Variants in RPS6KA2 observed in about 807,000 individuals in gnomAD.
RPS6KA2 encodes the protein ribosomal protein S6 kinase A2, also known as ribosomal protein S6 kinase alpha-2.
Under a neutral mutation model 91.8 loss-of-function variants are expected in RPS6KA2, and 42 were observed. That is an observed-to-expected ratio of 0.46 (90% CI 0.36 to 0.59). The LOEUF (loss-of-function observed/expected upper bound fraction) is 0.59. Among genes scored for constraint, RPS6KA2 ranks in the 20% least tolerant of loss-of-function variants. RPS6KA2 has a pLI of 0.00. For missense variants in RPS6KA2, 798 were observed against 978.5 expected (o/e 0.82, Z 2.46); for synonymous variants, 414 against 393.6 (o/e 1.05, Z -0.61).
chr6:166,768,576 G>A (rs960589175), intron 2 of RPS6KA2, among the ~76,000 whole-genome samples: 1 of 152,098 alleles, frequency 6.6e-6, no homozygotes, highest in East Asian at 1.9e-4. Flanking sequence ...ATCAACTTTT[G>A]TAGAGTCTTT....
chr6:166,752,011 G>T (rs1330607036), intron 2 of RPS6KA2, among the ~76,000 whole-genome samples: 1 of 152,212 alleles, frequency 6.6e-6, no homozygotes, highest in Non-Finnish European at 1.5e-5. Context: ...AGACAAAGGG[G>T]CCAGCACAGG....
At chr6:166,625,535 A>C (rs2128542846) in intron 1 of RPS6KA2, among the ~76,000 whole-genome samples, 1 of 152,254 alleles carries the variant, frequency 6.6e-6, no homozygotes, top group Admixed American at 6.5e-5. Flanking sequence ...TTCTTGGCAA[A>C]GACAGTAAAT....
chr6:166,812,808 C>G (rs577216058), intron 2 of RPS6KA2, among the ~76,000 whole-genome samples: 1 of 152,310 alleles, frequency 6.6e-6, no homozygotes, highest in African/African-American at 2.4e-5. Context: ...CTTTGAGATT[C>G]ACAGCCACAT....
rs952297931 is a variant in RPS6KA2, at chr6:166,557,331, G to A, written c.100-18547C>T. ...AGGGAAGACGCCCAAAACCTAAATC[G>A]ACATAAACACGGTCCTGGCCACCAC... is the stretch of plus-strand genomic sequence containing the variant. On this transcript the variant is annotated intron_variant, in intron 1 of 20. Transcript: ENST00000265678. The surrounding 1 kb of genome is among the most constrained non-coding windows in gnomAD (Gnocchi z 4.8). Among the ~76,000 whole-genome samples the A allele has an allele frequency of 1.3e-4, 20 of 152,304 alleles. No homozygotes were observed. The East Asian group carries it at 2.1e-3, about 16-fold the overall frequency.
chr6:166,562,570 A>G (rs1311801449), intron 1 of RPS6KA2, among the ~76,000 whole-genome samples: 1 of 152,216 alleles, frequency 6.6e-6, no homozygotes, highest in Non-Finnish European at 1.5e-5. Flanking sequence ...AATAAAATTC[A>G]TTCCCAAACT....
At chr6:166,687,527 G>A (rs1005609206) in intron 2 of RPS6KA2, among the ~76,000 whole-genome samples, 2 of 152,234 alleles carry the variant, frequency 1.3e-5, no homozygotes, top group African/African-American at 4.8e-5. Context: ...AAAGGAAGAG[G>A]TGGTTTGGAG....
chr6:166,593,162 T>C (rs1374700462), intron 1 of RPS6KA2, among the ~76,000 whole-genome samples: 1 of 152,210 alleles, frequency 6.6e-6, no homozygotes, highest in African/African-American at 2.4e-5. Context: ...TCAGGGGCCC[T>C]TAAATCCCAA....
chr6:166,631,139 ATC>A (rs1185798962), upstream of RPS6KA2, among the ~76,000 whole-genome samples: 6 of 152,230 alleles, frequency 3.9e-5, no homozygotes, highest in Non-Finnish European at 7.3e-5. Context: ...ACAGTTTAAA[ATC>A]TCTGAGCATA....
intron 6 of RPS6KA2, among the ~76,000 whole-genome samples, chr6:166,503,852 G>T: frequency 6.6e-6 from 1 of 152,182 alleles, no homozygotes. Context: ...GCAAAATATC[G>T]TAGAAATAAT....
intron 1 of RPS6KA2, among the ~76,000 whole-genome samples, chr6:166,599,181 A>G (rs1785644371): frequency 6.6e-6 from 1 of 152,242 alleles, no homozygotes; most frequent in Admixed American, 6.5e-5. Flanking sequence ...AGAGGTTTTT[A>G]GAAAGGTAAA....
In RPS6KA2 at chr6:166,784,938, G is replaced by A. The variant is rs1000920307; in HGVS notation, c.123+73262C>T. ...GTGCTTCCTGGCTTCTGTTGTACAC[G>A]GGCTGAGCTGGGGCTGGGAGGATGG... is the stretch of plus-strand genomic sequence containing the variant. On this transcript the variant is annotated intron_variant, in intron 2 of 21. Transcript: ENST00000503859. 3.9e-5 allele frequency among the ~76,000 whole-genome samples: 6 copies of A among 152,128 alleles called. No homozygotes were observed. The East Asian group carries it at 7.7e-4, about 20-fold the overall frequency.
intron 2 of RPS6KA2, among the ~76,000 whole-genome samples, chr6:166,638,996 A>G (rs940757411): frequency 3.3e-4 from 51 of 152,274 alleles, no homozygotes; most frequent in Non-Finnish European, 6.2e-4. Flanking sequence ...AAGAAGAGGG[A>G]AAAAACCCTG....
At chr6:166,550,415 T>C (rs1256576635) in intron 1 of RPS6KA2, among the ~76,000 whole-genome samples, 1 of 150,730 alleles carries the variant, frequency 6.6e-6, no homozygotes, top group Non-Finnish European at 1.5e-5. Flanking sequence ...ATATCATTTC[T>C]GGATCAAAGA....
chr6:166,838,077 C>A (rs573269330), intron 2 of RPS6KA2, among the ~76,000 whole-genome samples: 5 of 152,386 alleles, frequency 3.3e-5, no homozygotes, highest in Non-Finnish European at 7.3e-5. Context: ...AAAGTCAAAG[C>A]CCTTACTGGC....
At chr6:166,414,467 A>G in intron 19 of RPS6KA2, among the ~76,000 whole-genome samples, 1 of 152,048 alleles carries the variant, frequency 6.6e-6, no homozygotes, top group East Asian at 1.9e-4. Context: ...AGCAGTAAAA[A>G]CCTCTAAAAC....
At chr6:166,768,553 C>G (rs1778382618) in intron 2 of RPS6KA2, among the ~76,000 whole-genome samples, 1 of 152,010 alleles carries the variant, frequency 6.6e-6, no homozygotes, top group African/African-American at 2.4e-5. Context: ...ACTGGTATAA[C>G]AATCTGTTGA....
chr6:166,451,170 G>T lies in RPS6KA2; in HGVS notation c.1139C>A (p.Ala380Asp). Reference sequence around the variant, plus strand: ...TGAGGGCTCCTGGATCAGGCTTGAGGCCACAAAGCTGAATCCTCTAAACAG... The same window carrying T: ...TGAGGGCTCCTGGATCAGGCTTGAGTCCACAAAGCTGAATCCTCTAAACAG... ...HHLFRGFSFV[A>D]SSLIQEPSQQ... Residue 380 changes from alanine (A) to aspartate (D), a missense_variant, in exon 13 of 21, where the codon GCC (alanine) becomes GAC (aspartate). Ala to Asp is a moderately radical substitution (Grantham distance 126). Coordinates refer to ENST00000265678, the MANE Select transcript of RPS6KA2 (RefSeq NM_021135.6). The T allele has an allele frequency of 1.9e-6, 3 of 1,614,126 alleles. No homozygotes were observed. Among genetic ancestry groups the T allele is most frequent in the Non-Finnish European group, 2.5e-6 (3 of 1,180,012 alleles).
chr6:166,627,037 G>A lies in RPS6KA2; in HGVS notation c.-18C>T, dbSNP rs374368689. 9.8e-6 allele frequency: 14 copies of A among 1,431,864 alleles called. No individual in the cohort carries two copies. Among genetic ancestry groups the A allele is most frequent in the African/African-American group, 8.8e-5 (6 of 68,072 alleles). The allele number at this position is 1,431,864 out of a possible 1,614,324, so 88.7% of individuals were successfully genotyped here. On this transcript the variant is annotated 5_prime_UTR_variant, in exon 1 of 21. Transcript: ENST00000265678. ...AGGTCCATCGCCCCGCGCCCAGCCC[G>A]GAGCAGCCGCAGGGCCGGGGGACGC...
chr6:166,623,863 A>G (rs959053290), intron 1 of RPS6KA2, among the ~76,000 whole-genome samples: 17 of 152,240 alleles, frequency 1.1e-4, no homozygotes, highest in African/African-American at 3.9e-4. Context: ...ATGCTGATAG[A>G]GGACAAAAAT....
Sources: gnomAD v4.1 joint callset for allele counts (sites outside exome capture counted in the v4.1 genomes callset) on GRCh38, gnomAD v4.1.1 for gene constraint, Gnocchi (gnomAD v3.1) non-coding constraint, MANE v1.5 for transcripts, NCBI Gene and HGNC (gene_info 2026-07-23, HGNC 2026-07-21) for gene names.